Variants in DPYD observed in about 807,000 individuals in gnomAD.
DPYD encodes dihydropyrimidine dehydrogenase.
In DPYD, 109 loss-of-function variants were observed where a neutral mutation model predicts 116.2. The observed-to-expected ratio is 0.94, with a 90% CI of 0.80 to 1.10. The LOEUF (loss-of-function observed/expected upper bound fraction) is 1.10, where lower values mean the gene tolerates loss of function less well. Among genes scored for constraint, DPYD ranks in the 50% least tolerant of loss-of-function variants. The pLI is 0.00. For synonymous variants in DPYD, 440 were observed against 432.0 expected (o/e 1.02, Z -0.23); for missense variants, 1,302 against 1,254.5 (o/e 1.04, Z -0.57).
At chr1:97,746,775 G>A (rs998940460) in intron 3 of DPYD, among the ~76,000 whole-genome samples, 14 of 151,952 alleles carry the variant, frequency 9.2e-5, no homozygotes, top group Admixed American at 1.3e-4. Context: ...AGAAAGTAGC[G>A]TCAGTACTTA....
intron 3 of DPYD, among the ~76,000 whole-genome samples, chr1:97,784,120 T>A (rs769381597): frequency 3.7e-4 from 56 of 152,216 alleles, no homozygotes; most frequent in Admixed American, 3.9e-4. Flanking sequence ...TTGACTTCAT[T>A]TGATTTTCTA....
At position 97,913,613 on chromosome 1, in the gene DPYD, C is replaced by T. The variant is rs527364211; in HGVS notation, c.39+7271G>A. On this transcript the variant is annotated intron_variant, in intron 1 of 22. Coordinates refer to ENST00000370192, the MANE Select transcript of DPYD (RefSeq NM_000110.4). Reference sequence around the variant, plus strand: ...TACTATTTTGCTGGCAATTTTCACACGACCTTTTCATTAGGCATGGTAATG... The same window carrying T: ...TACTATTTTGCTGGCAATTTTCACATGACCTTTTCATTAGGCATGGTAATG... 2.4e-3 allele frequency among the ~76,000 whole-genome samples: 359 copies of T among 152,242 alleles called. 2 individuals carry two copies. The highest frequency in any genetic ancestry group is 7.7e-3 in the African/African-American group (321 of 41,556).
At position 97,455,561 on chromosome 1, in the gene DPYD, A is replaced by T. The variant is rs1033706561; in HGVS notation, c.1741-5338T>A. Among the ~76,000 whole-genome samples, 5 of 151,938 alleles carry T rather than the reference A, an allele frequency of 3.3e-5. No homozygotes were observed. The East Asian group carries it at 9.6e-4, about 29-fold the overall frequency. ...AAAAGAGGAAAATCACTCTACAAAC[A>T]AGTCTAACAACAAATATCTTGTTAC... is the stretch of plus-strand genomic sequence containing the variant. On this transcript the variant is annotated intron_variant, in intron 13 of 22. Transcript: ENST00000370192.
At chr1:97,547,351 A>G (rs935015410) in intron 12 of DPYD, among the ~76,000 whole-genome samples, 1 of 152,162 alleles carries the variant, frequency 6.6e-6, no homozygotes, top group African/African-American at 2.4e-5. Flanking sequence ...CTGAGTGGAT[A>G]GCTGTCCTTT....
At chr1:97,406,325 CTTAT>C (rs1375878256) in intron 14 of DPYD, among the ~76,000 whole-genome samples, 2 of 142,370 alleles carry the variant, frequency 1.4e-5, no homozygotes, top group African/African-American at 2.6e-5. Context: ...TTAAGTATAT[CTTAT>C]TTATTTTATT....
chr1:97,286,722 G>A (rs968629404), intron 18 of DPYD, among the ~76,000 whole-genome samples: 5 of 152,086 alleles, frequency 3.3e-5, no homozygotes, highest in African/African-American at 1.2e-4. Flanking sequence ...CGGCTCCTGA[G>A]GCTTCTGCAT....
chr1:97,694,904 G>A (rs1382074461), intron 6 of DPYD, among the ~76,000 whole-genome samples: 1 of 152,084 alleles, frequency 6.6e-6, no homozygotes, highest in Non-Finnish European at 1.5e-5. Context: ...TTGCTATTGA[G>A]TTTTAGTAAT....
At chr1:97,272,476 T>C (rs1403714345) in intron 18 of DPYD, among the ~76,000 whole-genome samples, 1 of 152,184 alleles carries the variant, frequency 6.6e-6, no homozygotes, top group East Asian at 1.9e-4. Flanking sequence ...TAGTTTTGTC[T>C]GTATTTAAAG....
intron 3 of DPYD, among the ~76,000 whole-genome samples, chr1:97,789,789 C>G (rs890287390): frequency 1.3e-5 from 2 of 152,162 alleles, no homozygotes; most frequent in African/African-American, 4.8e-5. Flanking sequence ...TCCGTGTCCA[C>G]AAATCACTCA....
At chr1:97,804,016 G>A (rs895220007) in intron 3 of DPYD, among the ~76,000 whole-genome samples, 4 of 151,592 alleles carry the variant, frequency 2.6e-5, no homozygotes, top group African/African-American at 9.7e-5. Flanking sequence ...GTTTTAAATC[G>A]AAGTAGTTTT....
chr1:97,274,681 G>A (rs1664824467), intron 18 of DPYD, among the ~76,000 whole-genome samples: 1 of 152,132 alleles, frequency 6.6e-6, no homozygotes, highest in South Asian at 2.1e-4. Flanking sequence ...AAATGTAACT[G>A]CAGTTTCTGC....
chr1:97,495,179 G>T (rs749210874), intron 13 of DPYD, among the ~76,000 whole-genome samples: 2 of 152,096 alleles, frequency 1.3e-5, no homozygotes, highest in African/African-American at 4.8e-5. Flanking sequence ...CTAAGAGAAA[G>T]TTAAGATGAG....
chr1:97,102,571 A>T (rs1650817792), intron 20 of DPYD, among the ~76,000 whole-genome samples: 1 of 150,324 alleles, frequency 6.7e-6, no homozygotes, highest in African/African-American at 2.4e-5. Context: ...TTACATGTAA[A>T]GGATATCTAA....
chr1:97,684,199 C>T (rs1257125691), intron 7 of DPYD, among the ~76,000 whole-genome samples: 2 of 152,162 alleles, frequency 1.3e-5, no homozygotes, highest in Non-Finnish European at 2.9e-5. Flanking sequence ...CTTAACACTG[C>T]TTTAGCAGCA....
At chr1:97,156,738 A>G (rs1655489782) in intron 20 of DPYD, among the ~76,000 whole-genome samples, 1 of 151,856 alleles carries the variant, frequency 6.6e-6, no homozygotes, top group South Asian at 2.1e-4. Context: ...AACTAGAAAT[A>G]CCATTTGACC....
In DPYD at chr1:97,434,926, A is replaced by C. The variant is rs1570728959; in HGVS notation, c.1905+15133T>G. On this transcript the variant is annotated intron_variant, in intron 14 of 22. Transcript: ENST00000370192. ...TTATCATGCAATCAGGATGATATTC[A>C]TATCTTTTTTGTGAGGTTATTGTGA... Among the ~76,000 whole-genome samples the C allele has an allele frequency of 2.6e-5, 4 of 152,044 alleles. No individual in the cohort carries two copies. The South Asian group carries it at 8.3e-4, about 32-fold the overall frequency.
intron 3 of DPYD, among the ~76,000 whole-genome samples, chr1:97,802,858 A>G (rs1208869010): frequency 1.3e-5 from 2 of 151,846 alleles, no homozygotes; most frequent in East Asian, 3.9e-4. Flanking sequence ...TCCTATGTCA[A>G]TTTTTTTGTG....
At chr1:97,123,639 G>A (rs1342618703) in intron 20 of DPYD, among the ~76,000 whole-genome samples, 1 of 152,096 alleles carries the variant, frequency 6.6e-6, no homozygotes, top group East Asian at 1.9e-4. Flanking sequence ...AAAAATGGAT[G>A]AGAACATTTA....
rs780572158 is a variant in DPYD at position 97,306,196 on chromosome 1, G to A, written c.2160C>T (p.Ile720=). The A allele has an allele frequency of 1.6e-5, 25 of 1,612,386 alleles. No individual in the cohort carries two copies. Among genetic ancestry groups the A allele is most frequent in the Admixed American group, 1.0e-4 (6 of 59,892 alleles). Residue 720 remains isoleucine, a synonymous_variant, in exon 17 of 23, where the codon ATC becomes ATT. Transcript: ENST00000370192. ...TCTTACCTTCCTTTGCAGCTCTTGC[G>A]ATGCTCACAATATCAGTGACATTTG... The part of the protein sequence containing the change: ...LTPNVTDIVS[I]ARAAKEGGAN...
Sources: gnomAD v4.1 joint callset for allele counts (sites outside exome capture counted in the v4.1 genomes callset) on GRCh38, gnomAD v4.1.1 for gene constraint, MANE v1.5 for transcripts, NCBI Gene and HGNC (gene_info 2026-07-23, HGNC 2026-07-21) for gene names.